Variants in EPS8L1 observed in about 807,000 individuals in gnomAD.
The protein encoded by EPS8L1 is EPS8 signaling adaptor L1, also known as epidermal growth factor receptor kinase substrate 8-like protein 1.
A neutral mutation model predicts 91.7 loss-of-function variants in EPS8L1; 101 were observed. The ratio of observed to expected loss-of-function variants is 1.10; its 90% CI spans 0.94 to 1.30. The LOEUF (loss-of-function observed/expected upper bound fraction) is 1.30. EPS8L1 is among the 50% of genes most tolerant of loss of function. The probability of loss-of-function intolerance (pLI) is 0.00; values close to 1 mark genes in which losing one functional copy is unlikely to be tolerated. For synonymous variants in EPS8L1, 506 were observed against 445.3 expected (o/e 1.14, Z -1.72); for missense variants, 1,114 against 1,017.0 (o/e 1.10, Z -1.30).
chr19:55,080,203 G>C lies in EPS8L1; in HGVS notation c.354G>C (p.Ser118=). ...DAVMPPGRSR[S]LLLLVCQEPE... is the part of the protein sequence containing the mutation. ...TGATGCCACCCGGCAGGAGCCGCTCGTTGCTGCTGCTCGTGTGCCAGGAAC... is the reference window on the plus strand; with the variant it reads ...TGATGCCACCCGGCAGGAGCCGCTCCTTGCTGCTGCTCGTGTGCCAGGAAC... Residue 118 remains serine, a synonymous_variant, in exon 6 of 20, where the codon TCG becomes TCC. Coordinates refer to ENST00000201647, the MANE Select transcript of EPS8L1 (RefSeq NM_133180.3). 1.3e-6 allele frequency: 2 copies of C among 1,537,794 alleles called. No individual in the cohort carries two copies. Among genetic ancestry groups the C allele is most frequent in the African/African-American group, 1.4e-5 (1 of 72,996 alleles).
intron 4 of EPS8L1, 24 bp from the exon 5 acceptor site, chr19:55,079,666 T>A: frequency 6.2e-7 from 1 of 1,606,324 alleles, no homozygotes; most frequent in Non-Finnish European, 8.5e-7. Context: ...TGGGCCTCAC[T>A]GCTTTCTCCA....
At chr19:55,080,462 G>T (rs370786571) in intron 6 of EPS8L1, 184 bp downstream of exon 6, 1 of 1,613,032 alleles carries the variant, frequency 6.2e-7, no homozygotes, top group Non-Finnish European at 8.5e-7. Flanking sequence ...TGGACCCAGG[G>T]TCAAGATAGA....
At position 55,086,772 on chromosome 19, in the gene EPS8L1, C is replaced by T; in HGVS notation, c.1836C>T (p.Gly612=). Residue 612 remains glycine (G), a synonymous_variant, in exon 18 of 20, where the codon GGC becomes GGT. Transcript: ENST00000201647. ...AACTGCAGGCGCGCCTGGCCCAGGG[C>T]CGCTCGGGACCGAGCCGCGCAGTCC... The part of the protein sequence containing the change: ...NEELQARLAQ[G]RSGPSRAVPG... 2 of 1,609,688 alleles carry T rather than the reference C, an allele frequency of 1.2e-6. No homozygotes were observed. Among genetic ancestry groups the T allele is most frequent in the African/African-American group, 1.3e-5 (1 of 75,008 alleles).
Position 55,086,927 on chromosome 19 carries a change from G to A in EPS8L1, c.1952+39G>A, listed in dbSNP as rs750944543. 9.5e-5 allele frequency: 134 copies of A among 1,404,992 alleles called. No homozygotes were observed. In the South Asian group the frequency reaches 1.9e-3, roughly 20 times the overall value. The allele number at this position is 1,404,992 out of a possible 1,614,324, so 87.0% of individuals were successfully genotyped here. A position where few individuals can be genotyped will look rare whatever the true frequency, so the allele number is the denominator to read the frequency against. ...GGGCCCTCTCGGCGCGGGTTGATAC[G>A]GACGCTGGGAGCGGAGCGTTCCGAT... is the stretch of plus-strand genomic sequence containing the variant. On this transcript the variant is annotated intron_variant, in intron 18 of 19. Transcript: ENST00000201647.
At chr19:55,082,813 C>T (rs117209293) in intron 12 of EPS8L1, among the ~76,000 whole-genome samples, 3,036 of 149,042 alleles carry the variant, frequency 0.02, 60 homozygotes, top group Non-Finnish European at 0.029. Flanking sequence ...GATTTAAGAC[C>T]ACCAGACCAA....
chr19:55,079,141 C>T, intron 4 of EPS8L1, 84 bp downstream of exon 4: 2 of 1,408,990 alleles, frequency 1.4e-6, no homozygotes, highest in East Asian at 2.3e-5. Context: ...AGCAGCTAGG[C>T]CCCCAAGCAG....
In EPS8L1 at chr19:55,083,506, G is replaced by A. The variant is rs201719809; in HGVS notation, c.1343G>A (p.Arg448Gln). Residue 448 changes from arginine to glutamine, a missense_variant, in exon 13 of 20, where the codon CGG (arginine) becomes CAG (glutamine). Coordinates refer to ENST00000201647, the MANE Select transcript of EPS8L1 (RefSeq NM_133180.3). This position sits in a 1 kb window ranked among gnomAD's most constrained non-coding sequence, Gnocchi z 4.7. ...DPVEKQLQHE[R>Q]RRRQQSAPQV... ...GTTGAGAAACAGCTACAGCACGAGC[G>A]GAGGCGCCGGCAGGTGACCCAAGCG... 1.7e-5 allele frequency: 27 copies of A among 1,610,748 alleles called. No homozygotes were observed. The Admixed American group carries it at 2.5e-4, about 15-fold the overall frequency.
At position 55,079,048 on chromosome 19, in the gene EPS8L1, C is replaced by T. The variant is rs1333891952; in HGVS notation, c.108C>T (p.Tyr36=). 1 of 1,613,972 alleles carries T rather than the reference C, an allele frequency of 6.2e-7. No homozygotes were observed. Among genetic ancestry groups the T allele is most frequent in the East Asian group, 2.2e-5 (1 of 44,870 alleles). ...TTGTTATGGCTGATGTATCCCAGTA[C>T]CCAGTCAATGTGAGTCTGGGGTCTG... ...STVVMADVSQ[Y]PVNHLVTFCL... The change falls in exon 4 of 20, where the codon TAC becomes TAT. Residue 36 remains tyrosine (Y), a synonymous_variant. Coordinates refer to ENST00000201647, the MANE Select transcript of EPS8L1 (RefSeq NM_133180.3).
In EPS8L1 at chr19:55,087,792, C is replaced by T; in HGVS notation, c.*178C>T. The T allele has an allele frequency of 1.5e-6, 1 of 684,750 alleles. No homozygotes were observed. Among genetic ancestry groups the T allele is most frequent in the Non-Finnish European group, 2.5e-6 (1 of 397,122 alleles). The allele number at this position is 684,750 out of a possible 1,614,324, so 42.4% of individuals were successfully genotyped here. A position where few individuals can be genotyped will look rare whatever the true frequency, so the allele number is the denominator to read the frequency against. On this transcript the variant is annotated 3_prime_UTR_variant, in exon 20 of 20. Coordinates refer to ENST00000201647, the MANE Select transcript of EPS8L1 (RefSeq NM_133180.3). Reference sequence around the variant, plus strand: ...TTGCTGCAGTCCCTCCGGAGAGGATCTGGACTGGCTGGGAGTGGGGAGGGC... The same window carrying T: ...TTGCTGCAGTCCCTCCGGAGAGGATTTGGACTGGCTGGGAGTGGGGAGGGC...
chr19:55,080,937 G>C (rs2076245098), intron 7 of EPS8L1, 83 bp downstream of exon 7: 1 of 1,319,106 alleles, frequency 7.6e-7, no homozygotes, highest in Non-Finnish European at 1.0e-6. Flanking sequence ...GCCTGGAACA[G>C]AACAAGAGTT....
chr19:55,080,406 C>T, intron 6 of EPS8L1, 128 bp downstream of exon 6: 3 of 1,578,926 alleles, frequency 1.9e-6, no homozygotes, highest in Non-Finnish European at 2.6e-6. Flanking sequence ...CAAGGAAGGG[C>T]AGGGGACCTG....
At position 55,078,975 on chromosome 19, in the gene EPS8L1, C is replaced by T. The variant is rs201996840; in HGVS notation, c.59-24C>T. On this transcript the variant is annotated intron_variant, in intron 3 of 19. Transcript: ENST00000201647. The stretch of plus-strand genomic sequence containing the variant: ...GAGGGGCTGGGCCTGGACTCCCAGG[C>T]TCATTCTCTTTCTCCCCTGGCAGAG... The T allele has an allele frequency of 3.4e-4, 554 of 1,612,922 alleles. 2 individuals are homozygous for T. In the African/African-American group the frequency reaches 6.5e-3, roughly 19 times the overall value.
In EPS8L1 at chr19:55,079,841, C is replaced by G; in HGVS notation, c.269C>G (p.Pro90Arg). The G allele has an allele frequency of 1.2e-6, 2 of 1,612,322 alleles. No homozygotes were observed. Among genetic ancestry groups the G allele is most frequent in the South Asian group, 2.2e-5 (2 of 90,750 alleles). Residue 90 changes from proline (P) to arginine (R), a missense_variant, in exon 5 of 20, where the codon CCG becomes CGG. Pro to Arg is a moderately radical substitution (Grantham distance 103). Coordinates refer to ENST00000201647, the MANE Select transcript of EPS8L1 (RefSeq NM_133180.3). ...CCCGACCATGTCACGCTGCTCGACC[C>G]GGCCTCCAAGGTGCCGGGGGGCACG... ...VSPDHVTLLD[P>R]ASKEELESYP...
chr19:55,076,904 G>A (rs2076144742), intron 2 of EPS8L1, among the ~76,000 whole-genome samples: 1 of 152,202 alleles, frequency 6.6e-6, no homozygotes, highest in Non-Finnish European at 1.5e-5. Context: ...AATCAGGGCT[G>A]TTTATAATGA....
At chr19:55,080,939 A>T in intron 7 of EPS8L1, 85 bp downstream of exon 7, 1 of 1,309,544 alleles carries the variant, frequency 7.6e-7, no homozygotes, top group East Asian at 2.5e-5. Flanking sequence ...CTGGAACAGA[A>T]CAAGAGTTTT....
chr19:55,077,353 A>G (rs1433683227), intron 2 of EPS8L1, among the ~76,000 whole-genome samples: 1 of 152,118 alleles, frequency 6.6e-6, no homozygotes, highest in Non-Finnish European at 1.5e-5. Context: ...TGATAATAAC[A>G]GTTATTGAGG....
chr19:55,087,192 TA>T, intron 18 of EPS8L1, 110 bp from the exon 19 acceptor site: 2 of 1,445,346 alleles, frequency 1.4e-6, no homozygotes, highest in South Asian at 2.7e-5. Flanking sequence ...CTGCCCCCGC[TA>T]GAGCTAGAAT....
chr19:55,085,791 G>T, intron 14 of EPS8L1, 50 bp from the exon 15 acceptor site: 1 of 1,585,678 alleles, frequency 6.3e-7, no homozygotes, highest in East Asian at 2.2e-5. Flanking sequence ...GCAGCCCAGA[G>T]CAATGGGGCT....
At position 55,082,113 on chromosome 19, in the gene EPS8L1, C is replaced by A. The variant is rs758902291; in HGVS notation, c.923C>A (p.Ala308Asp). The change falls in exon 10 of 20, where the codon GCC becomes GAC. Residue 308 changes from alanine to aspartate, a missense_variant. Ala to Asp is a moderately radical substitution (Grantham distance 126, BLOSUM62 -2). Transcript: ENST00000201647. ...AAGEGLLTLRAKPPSEAEYTD... is the reference protein window; with the variant it reads ...AAGEGLLTLRDKPPSEAEYTD... ...TCAGAGGGCTTGCTGACGCTGCGGG[C>A]CAAGCCGCCCTCGGAGGCCGAGTAC... 28 of 1,599,282 alleles carry A rather than the reference C, an allele frequency of 1.8e-5. No individual in the cohort carries two copies. Among genetic ancestry groups the A allele is most frequent in the Non-Finnish European group, 2.0e-5 (23 of 1,173,652 alleles).
Sources: gnomAD v4.1 joint callset for allele counts (sites outside exome capture counted in the v4.1 genomes callset) on GRCh38, gnomAD v4.1.1 for gene constraint, Gnocchi (gnomAD v3.1) non-coding constraint, MANE v1.5 for transcripts, NCBI Gene and HGNC (gene_info 2026-07-23, HGNC 2026-07-21) for gene names.